Variants in PTPRT observed in about 807,000 individuals in gnomAD.
PTPRT encodes the protein receptor-type tyrosine-protein phosphatase T.
A neutral mutation model predicts 176.8 loss-of-function variants in PTPRT; 56 were observed. That is an observed-to-expected ratio of 0.32 (90% CI 0.26 to 0.40). PTPRT has a LOEUF of 0.40. Among genes scored for constraint, PTPRT ranks in the 10% least tolerant of loss-of-function variants. The probability of loss-of-function intolerance (pLI) is 1.00; values close to 1 mark genes in which losing one functional copy is unlikely to be tolerated. For synonymous variants in PTPRT, 783 were observed against 739.0 expected, an observed-to-expected ratio of 1.06 and a Z score of -0.96; for missense variants, 1,540 against 1,908.2, an observed-to-expected ratio of 0.81 and a Z score of 3.60.
At chr20:42,450,508 C>T (rs1416759377) in intron 8 of PTPRT, among the ~76,000 whole-genome samples, 1 of 152,110 alleles carries the variant, frequency 6.6e-6, no homozygotes, top group African/African-American at 2.4e-5. Flanking sequence ...TTATCTATAC[C>T]TTGTGCTCAT....
At chr20:42,580,441 A>G (rs2073350817) in intron 7 of PTPRT, among the ~76,000 whole-genome samples, 1 of 152,130 alleles carries the variant, frequency 6.6e-6, no homozygotes. Flanking sequence ...TTCTGTGAGG[A>G]AAGTCATTGG....
rs532348874 is a variant in PTPRT, at chr20:42,414,127, CG to C, written c.1560+34092del. ...GATTACAGGTATGAGCCACTGTGCC[CG>C]GCCAAGACTTTGTTTACTGTCTACA... On this transcript the variant is annotated intron_variant, in intron 9 of 30. Coordinates refer to ENST00000373187, the MANE Select transcript of PTPRT (RefSeq NM_007050.6). Among the ~76,000 whole-genome samples the C allele has an allele frequency of 3.5e-3, 533 of 152,252 alleles. 4 individuals carry two copies. The highest frequency in any genetic ancestry group is 5.8e-3 in the Non-Finnish European group (397 of 68,026).
Position 42,348,470 on chromosome 20 carries a change from T to C in PTPRT, c.1865+2158A>G, listed in dbSNP as rs575645742. ...TCTCCTAGGAGGTGGTATAGTATAG[T>C]AAAATGAGTGTTGGCTTTAGGTCAT... On this transcript the variant is annotated intron_variant, in intron 11 of 30. Transcript: ENST00000373187. Among the ~76,000 whole-genome samples the C allele has an allele frequency of 1.3e-3, 204 of 152,272 alleles. 12 individuals carry two copies. In the South Asian group the frequency reaches 0.042, roughly 31 times the overall value.
intron 1 of PTPRT, among the ~76,000 whole-genome samples, chr20:43,029,521 C>T (rs974825184): frequency 6.6e-6 from 1 of 152,230 alleles, no homozygotes; most frequent in Non-Finnish European, 1.5e-5. Flanking sequence ...CTCCAAAAGA[C>T]TCCAGGGCAG....
intron 15 of PTPRT, among the ~76,000 whole-genome samples, chr20:42,210,683 G>A (rs2055600895): frequency 1.3e-5 from 2 of 151,392 alleles, no homozygotes; most frequent in Admixed American, 6.6e-5. Context: ...ATGCTCATGG[G>A]TAGGAAGAAT....
chr20:42,306,222 C>T (rs2145333134), intron 12 of PTPRT, among the ~76,000 whole-genome samples: 1 of 152,266 alleles, frequency 6.6e-6, no homozygotes, highest in African/African-American at 2.4e-5. Flanking sequence ...GGTATCTGTA[C>T]AAGGTGACAC....
intron 7 of PTPRT, among the ~76,000 whole-genome samples, chr20:42,649,940 AAG>A (rs1324346410): frequency 6.6e-6 from 1 of 152,172 alleles, no homozygotes; most frequent in East Asian, 1.9e-4. Flanking sequence ...GGAGGGCAGT[AAG>A]AGCCTGCTCC....
At chr20:42,046,770 G>T in the PTPRT span, among the ~76,000 whole-genome samples, 3 of 110,110 alleles carry the variant, frequency 2.7e-5, no homozygotes, top group Non-Finnish European at 6.6e-5. Context: ...TGAAAAGGTT[G>T]TCATGTGAGT....
chr20:42,556,012 GA>G (rs2072855160), intron 7 of PTPRT, among the ~76,000 whole-genome samples: 1 of 152,154 alleles, frequency 6.6e-6, no homozygotes, highest in South Asian at 2.1e-4. Context: ...GCCAAGACTG[GA>G]AAGAGATAAG....
At chr20:42,448,145 G>T (rs936461618) in intron 9 of PTPRT, 75 bp downstream of exon 9, 2 of 1,110,952 alleles carry the variant, frequency 1.8e-6, no homozygotes, top group Non-Finnish European at 2.8e-6. Flanking sequence ...CAGCAGAATG[G>T]GTATTCACCA....
chr20:43,092,883 G>T (rs1350197859), intron 1 of PTPRT, among the ~76,000 whole-genome samples: 1 of 152,162 alleles, frequency 6.6e-6, no homozygotes, highest in Non-Finnish European at 1.5e-5. Flanking sequence ...TGTTACTGCT[G>T]CCTAACCTAG....
At chr20:42,755,269 G>A (rs934284458) in intron 6 of PTPRT, among the ~76,000 whole-genome samples, 2 of 152,118 alleles carry the variant, frequency 1.3e-5, no homozygotes, top group Non-Finnish European at 2.9e-5. Context: ...CAGTCCAGTT[G>A]GCCCAAGGAT....
chr20:42,322,147 G>A (rs891160574), intron 11 of PTPRT, among the ~76,000 whole-genome samples: 2 of 152,018 alleles, frequency 1.3e-5, no homozygotes, highest in Non-Finnish European at 2.9e-5. Context: ...ATGCTCATGG[G>A]TAGGAAGAAT....
chr20:42,643,819 G>T (rs970741027), intron 7 of PTPRT, among the ~76,000 whole-genome samples: 2 of 151,910 alleles, frequency 1.3e-5, no homozygotes, highest in Non-Finnish European at 2.9e-5. Flanking sequence ...CCCTCCCCTT[G>T]CCTGAGCATA....
chr20:42,594,575 T>C (rs1417608769), intron 7 of PTPRT, among the ~76,000 whole-genome samples: 1 of 152,172 alleles, frequency 6.6e-6, no homozygotes, highest in East Asian at 1.9e-4. Flanking sequence ...CTATGTACAA[T>C]AGGGAAATCA....
intron 1 of PTPRT, chr20:42,966,483 A>G (rs757314463): frequency 2.2e-4 from 34 of 151,982 alleles, no homozygotes; most frequent in Non-Finnish European, 4.0e-4. Context: ...TTGCCCATCC[A>G]TTTCCCCCAG....
intron 1 of PTPRT, among the ~76,000 whole-genome samples, chr20:43,158,451 T>A (rs1333341586): frequency 6.6e-6 from 1 of 152,212 alleles, no homozygotes; most frequent in Non-Finnish European, 1.5e-5. Flanking sequence ...TCGGGAGTCA[T>A]TAGCATGGAG....
At chr20:42,218,229 A>G (rs1460490704) in intron 15 of PTPRT, among the ~76,000 whole-genome samples, 1 of 152,264 alleles carries the variant, frequency 6.6e-6, no homozygotes, top group Admixed American at 6.5e-5. Context: ...CGACATGGAA[A>G]AATGCTAACT....
chr20:42,418,683 T>C (rs2059088210), intron 9 of PTPRT, among the ~76,000 whole-genome samples: 1 of 152,058 alleles, frequency 6.6e-6, no homozygotes, highest in African/African-American at 2.4e-5. Context: ...GTTCCCAGGC[T>C]CTCAGGTATG....
Sources: gnomAD v4.1 joint callset for allele counts (sites outside exome capture counted in the v4.1 genomes callset) on GRCh38, gnomAD v4.1.1 for gene constraint, MANE v1.5 for transcripts, NCBI Gene and HGNC (gene_info 2026-07-23, HGNC 2026-07-21) for gene names.